NTM: variants seen among roughly 807,000 people sequenced by gnomAD.
The protein encoded by NTM is neurotrimin, also known as IgLON family member 2.
A neutral mutation model predicts 42.1 loss-of-function variants in NTM; 13 were observed. The ratio of observed to expected loss-of-function variants is 0.31; its 90% confidence interval spans 0.20 to 0.49. The LOEUF (loss-of-function observed/expected upper bound fraction) is 0.49, where lower values mean the gene tolerates loss of function less well. Among genes scored for constraint, NTM ranks in the 20% least tolerant of loss-of-function variants. NTM has a pLI of 0.99. For synonymous variants in NTM, 187 were observed against 179.2 expected, an observed-to-expected ratio of 1.04 and a Z score of -0.35; for missense variants, 373 against 452.8, an observed-to-expected ratio of 0.82 and a Z score of 1.60.
At chr11:131,462,486 T>C (rs375811869) in intron 1 of NTM, among the ~76,000 whole-genome samples, 1 of 152,312 alleles carries the variant, frequency 6.6e-6, no homozygotes, top group East Asian at 1.9e-4. Context: ...GGGGTCAGCC[T>C]TATAAGAAGG....
chr11:131,408,599 C>T lies in NTM; in HGVS notation c.82+37711C>T, dbSNP rs146149862. Among the ~76,000 whole-genome samples the T allele has an allele frequency of 2.6e-5, 4 of 152,232 alleles. No individual in the cohort carries two copies. The East Asian group carries it at 7.7e-4, about 29-fold the overall frequency. ...AGGCTGGTGTGAGTTCATTGCAGAA[C>T]CTTATGAGGTATCAACCAGTTTGTT... On this transcript the variant is annotated intron_variant, in intron 1 of 8. Transcript: ENST00000683400.
chr11:131,731,418 C>T lies in NTM; in HGVS notation c.83-180146C>T, dbSNP rs530913624. 6.2e-4 allele frequency among the ~76,000 whole-genome samples: 94 copies of T among 152,258 alleles called. 1 individual carries two copies. Among genetic ancestry groups the T allele is most frequent in the African/African-American group, 2.2e-3 (91 of 41,552 alleles). ...ACTTGTGAGTGAGATCAAAGCATTT[C>T]CTTGTATATGATGTTATTTAATCAG... On this transcript the variant is annotated intron_variant, in intron 1 of 8. Transcript: ENST00000683400.
intron 1 of NTM, among the ~76,000 whole-genome samples, chr11:131,768,766 T>C (rs2085556954): frequency 6.6e-6 from 1 of 152,174 alleles, no homozygotes; most frequent in Non-Finnish European, 1.5e-5. Context: ...GGAACTCTAT[T>C]GTTATTATTA....
chr11:131,672,170 G>A (rs138675810), intron 1 of NTM, among the ~76,000 whole-genome samples: 10 of 152,350 alleles, frequency 6.6e-5, no homozygotes, highest in East Asian at 1.9e-4. Flanking sequence ...ACAAGCCTGC[G>A]TGGTGCTGTC....
chr11:132,315,430 C>T (rs918254785), intron 7 of NTM, among the ~76,000 whole-genome samples: 11 of 152,142 alleles, frequency 7.2e-5, no homozygotes, highest in East Asian at 1.9e-4. Flanking sequence ...CCTTGATGAA[C>T]GCAGATTCTC....
At chr11:132,201,248 A>C (rs1460227098) in intron 3 of NTM, among the ~76,000 whole-genome samples, 1 of 152,166 alleles carries the variant, frequency 6.6e-6, no homozygotes, top group Non-Finnish European at 1.5e-5. Context: ...GTCTTGTTCC[A>C]TTTCTATGAA....
intron 1 of NTM, among the ~76,000 whole-genome samples, chr11:131,827,087 ACT>A (rs1565601321): frequency 2.6e-5 from 4 of 151,980 alleles, no homozygotes; most frequent in African/African-American, 9.7e-5. Context: ...TTTGTACCAG[ACT>A]CTGAATACAC....
At chr11:132,135,385 G>A (rs1227130610) in intron 2 of NTM, among the ~76,000 whole-genome samples, 1 of 152,212 alleles carries the variant, frequency 6.6e-6, no homozygotes, top group Admixed American at 6.5e-5. Flanking sequence ...CAAAGCATTT[G>A]TGAGATTTAC....
Position 132,003,652 on chromosome 11 carries a change from G to A in NTM, c.167+92004G>A, listed in dbSNP as rs991279049. ...CTCAGCTCTGTTGTTCACTCAAGAA[G>A]AAAAGGCTTTTCCTGGTAGGTCTGT... On this transcript the variant is annotated intron_variant, in intron 2 of 8. Transcript: ENST00000683400. This position sits in a 1 kb window ranked among gnomAD's most constrained non-coding sequence, Gnocchi z 6.0. 1.9e-4 allele frequency among the ~76,000 whole-genome samples: 29 copies of A among 152,090 alleles called. No individual in the cohort carries two copies. Among genetic ancestry groups the A allele is most frequent in the African/African-American group, 6.8e-4 (28 of 41,414 alleles).
At chr11:131,409,838 T>A (rs954148781) in intron 1 of NTM, among the ~76,000 whole-genome samples, 1 of 152,206 alleles carries the variant, frequency 6.6e-6, no homozygotes, top group Non-Finnish European at 1.5e-5. Context: ...CTTTCTTTCA[T>A]CTGTCTTAAA....
At chr11:132,311,203 T>C (rs2095270005) in intron 6 of NTM, among the ~76,000 whole-genome samples, 2 of 152,186 alleles carry the variant, frequency 1.3e-5, no homozygotes, top group Non-Finnish European at 2.9e-5. Flanking sequence ...TTGGCTTTGT[T>C]TCCTTATGAG....
chr11:131,685,643 C>T (rs1042781824), intron 1 of NTM, among the ~76,000 whole-genome samples: 20 of 152,146 alleles, frequency 1.3e-4, no homozygotes, highest in African/African-American at 4.8e-4. Context: ...CGCCCTATTT[C>T]AGTAGACACA....
chr11:132,330,865 G>T (rs1040028245), intron 8 of NTM, among the ~76,000 whole-genome samples: 3 of 152,192 alleles, frequency 2.0e-5, no homozygotes, highest in South Asian at 4.1e-4. Flanking sequence ...CCTCATCTGC[G>T]TGGCCCATGT....
intron 4 of NTM, among the ~76,000 whole-genome samples, chr11:132,306,798 T>G (rs2095101659): frequency 6.6e-6 from 1 of 152,222 alleles, no homozygotes; most frequent in Admixed American, 6.5e-5. Context: ...TTTCATTGTC[T>G]TTTGGCAAGG....
chr11:131,931,011 G>A (rs2058535961), intron 2 of NTM, among the ~76,000 whole-genome samples: 1 of 152,124 alleles, frequency 6.6e-6, no homozygotes, highest in South Asian at 2.1e-4. Context: ...AAGCAGAAAG[G>A]CTTTGACATC....
chr11:131,856,993 C>CT (rs760868915), intron 1 of NTM, among the ~76,000 whole-genome samples: 8 of 152,096 alleles, frequency 5.3e-5, no homozygotes, highest in Non-Finnish European at 7.4e-5. Context: ...GCCCTTGATC[C>CT]TTTTTTTACC....
intron 1 of NTM, among the ~76,000 whole-genome samples, chr11:131,460,617 A>G (rs951578191): frequency 5.3e-5 from 8 of 151,950 alleles, no homozygotes; most frequent in African/African-American, 1.9e-4. Flanking sequence ...CAGTGGCGCG[A>G]TCTCAGCTCA....
At chr11:131,719,440 A>C (rs1592691800) in intron 1 of NTM, among the ~76,000 whole-genome samples, 1 of 152,238 alleles carries the variant, frequency 6.6e-6, no homozygotes. Context: ...CTTCTAAAAA[A>C]TGCATAGCTG....
At chr11:132,118,196 CT>C (rs576869512) in intron 2 of NTM, among the ~76,000 whole-genome samples, 70 of 148,874 alleles carry the variant, frequency 4.7e-4, no homozygotes, top group South Asian at 4.2e-4. Flanking sequence ...AGCAGATAAG[CT>C]TTTTTTTTTA....
Sources: gnomAD v4.1 joint callset for allele counts (sites outside exome capture counted in the v4.1 genomes callset) on GRCh38, gnomAD v4.1.1 for gene constraint, Gnocchi (gnomAD v3.1) non-coding constraint, MANE v1.5 for transcripts, NCBI Gene and HGNC (gene_info 2026-07-23, HGNC 2026-07-21) for gene names.